Variants in NOX4 observed in about 807,000 individuals in gnomAD.
NOX4 encodes NADPH oxidase 4.
Under a neutral mutation model 87.6 loss-of-function variants are expected in NOX4, and 69 were observed. The ratio of observed to expected loss-of-function variants is 0.79; its 90% CI spans 0.65 to 0.96. The LOEUF (loss-of-function observed/expected upper bound fraction) is 0.96. Among genes scored for constraint, NOX4 ranks in the 40% least tolerant of loss-of-function variants. NOX4 has a pLI of 0.00. For synonymous variants in NOX4, 275 were observed against 238.2 expected, an observed-to-expected ratio of 1.15 and a Z score of -1.42; for missense variants, 680 against 681.5, an observed-to-expected ratio of 1.00 and a Z score of 0.02.
chr11:89,480,110 T>C (rs182287977), intron 2 of NOX4, among the ~76,000 whole-genome samples: 96 of 152,302 alleles, frequency 6.3e-4, no homozygotes, highest in African/African-American at 1.9e-3. Context: ...GCAGTTCAAA[T>C]CTTTGCTGTT....
chr11:89,569,624 A>G, the NOX4 span, among the ~76,000 whole-genome samples: 1 of 152,314 alleles, frequency 6.6e-6, no homozygotes, highest in South Asian at 2.1e-4. Flanking sequence ...GCCCCTGAGG[A>G]AAGCAGTTTG....
chr11:89,468,299 T>G (rs1214114790), intron 2 of NOX4, among the ~76,000 whole-genome samples: 1 of 152,200 alleles, frequency 6.6e-6, no homozygotes, highest in Non-Finnish European at 1.5e-5. Flanking sequence ...AAGATAAAAG[T>G]GGTATAATTT....
At chr11:89,356,476 A>G (rs1340287339) in intron 12 of NOX4, among the ~76,000 whole-genome samples, 1 of 151,558 alleles carries the variant, frequency 6.6e-6, no homozygotes, top group Non-Finnish European at 1.5e-5. Flanking sequence ...CCTTGGAAAT[A>G]CTTACGTTGC....
At chr11:89,527,060 A>G in the NOX4 span, among the ~76,000 whole-genome samples, 12 of 152,288 alleles carry the variant, frequency 7.9e-5, no homozygotes, top group Middle Eastern at 3.4e-3. Flanking sequence ...CTTTTTGGGA[A>G]TTGGAATAAA....
chr11:89,534,822 T>C, the NOX4 span, among the ~76,000 whole-genome samples: 1 of 152,254 alleles, frequency 6.6e-6, no homozygotes, highest in Non-Finnish European at 1.5e-5. Flanking sequence ...TACTGGATTC[T>C]CATTTCAGTC....
At position 89,441,574 on chromosome 11, in the gene NOX4, T is replaced by C. The variant is rs758023255; in HGVS notation, c.448-859A>G. ...TAGCTCCTCACCTGGCTTAATTCAA[T>C]TGACTTCTATTCCAACTATTAGAAA... is the stretch of plus-strand genomic sequence containing the variant. On this transcript the variant is annotated intron_variant, in intron 5 of 17. Coordinates refer to ENST00000263317, the MANE Select transcript of NOX4 (RefSeq NM_016931.5). 2.0e-5 allele frequency among the ~76,000 whole-genome samples: 3 copies of C among 152,158 alleles called. No individual in the cohort carries two copies. In the South Asian group the frequency reaches 6.2e-4, roughly 31 times the overall value.
chr11:89,411,929 T>G (rs552025598), intron 8 of NOX4, among the ~76,000 whole-genome samples: 1 of 152,164 alleles, frequency 6.6e-6, no homozygotes, highest in East Asian at 1.9e-4. Flanking sequence ...AGAAACACAC[T>G]TCACCTATGA....
At chr11:89,406,133 G>T (rs1203509653) in intron 8 of NOX4, among the ~76,000 whole-genome samples, 1 of 151,850 alleles carries the variant, frequency 6.6e-6, no homozygotes, top group Non-Finnish European at 1.5e-5. Context: ...CATTTCTTTG[G>T]TATTAGTGCA....
At chr11:89,483,222 G>A (rs2135476524) in intron 2 of NOX4, among the ~76,000 whole-genome samples, 1 of 152,210 alleles carries the variant, frequency 6.6e-6, no homozygotes, top group Non-Finnish European at 1.5e-5. Context: ...AATGGTAACA[G>A]TTGCTATTAG....
chr11:89,440,379 G>T (rs1944403680), intron 6 of NOX4, among the ~76,000 whole-genome samples: 1 of 152,006 alleles, frequency 6.6e-6, no homozygotes. Context: ...GAGTGCAGTG[G>T]CGCGATCTCA....
the NOX4 span, among the ~76,000 whole-genome samples, chr11:89,574,336 G>A: frequency 6.6e-6 from 1 of 152,134 alleles, no homozygotes; most frequent in Non-Finnish European, 1.5e-5. Context: ...ATGGACCCAG[G>A]AATCTTCCCA....
At chr11:89,504,611 T>A in the NOX4 span, among the ~76,000 whole-genome samples, 1 of 151,998 alleles carries the variant, frequency 6.6e-6, no homozygotes, top group Non-Finnish European at 1.5e-5. Context: ...AAAATTGTGA[T>A]GAATCAAAGA....
chr11:89,439,700 C>T (rs1241652687), intron 6 of NOX4, among the ~76,000 whole-genome samples: 2 of 152,044 alleles, frequency 1.3e-5, no homozygotes, highest in African/African-American at 2.4e-5. Context: ...ATTCTTTCAT[C>T]TTTATAAATC....
chr11:89,427,435 A>AGAGGG (rs1943491745), intron 7 of NOX4, among the ~76,000 whole-genome samples: 1 of 152,210 alleles, frequency 6.6e-6, no homozygotes, highest in African/African-American at 2.4e-5. Flanking sequence ...GAGCTAAAGG[A>AGAGGG]GGAAGTTCGA....
At chr11:89,488,634 T>A (rs987748974) in intron 2 of NOX4, among the ~76,000 whole-genome samples, 1 of 152,172 alleles carries the variant, frequency 6.6e-6, no homozygotes, top group African/African-American at 2.4e-5. Flanking sequence ...GTTATTGCAA[T>A]AAATTTCCAG....
intron 8 of NOX4, among the ~76,000 whole-genome samples, chr11:89,406,801 C>T (rs538343504): frequency 3.3e-4 from 50 of 151,854 alleles, no homozygotes; most frequent in African/African-American, 6.8e-4. Context: ...AAACATAGAA[C>T]CAAAAATGAT....
rs752987566 is a variant in NOX4 at position 89,421,905 on chromosome 11, G to C, written c.626C>G (p.Ser209Ter). 6.4e-7 allele frequency: 1 copy of C among 1,560,116 alleles called. No homozygotes were observed. The highest frequency in any genetic ancestry group is 1.2e-5 in the South Asian group (1 of 83,126). The change falls in exon 8 of 18, where the codon TCA (serine) becomes TGA (stop). Residue 209 changes from serine (S) to a stop codon, truncating the protein, a stop_gained. Transcript: ENST00000263317. LOFTEE classifies it high-confidence loss of function. Reference protein sequence around the residue: ...VFYMLLTLHVSGGLLKYQTNL... With the variant: ...VFYMLLTLHV ...ATACATACATTTGTAAACTTACCCTGAAACATGCAACGTCAGCAGCATGTA... is the reference window on the plus strand; with the variant it reads ...ATACATACATTTGTAAACTTACCCTCAAACATGCAACGTCAGCAGCATGTA...
intron 7 of NOX4, among the ~76,000 whole-genome samples, chr11:89,427,117 G>A (rs1464431059): frequency 1.3e-5 from 2 of 152,328 alleles, no homozygotes; most frequent in East Asian, 3.9e-4. Flanking sequence ...AACAGCATCT[G>A]GAGTGGACCT....
chr11:89,544,366 C>T, the NOX4 span, among the ~76,000 whole-genome samples: 1 of 152,140 alleles, frequency 6.6e-6, no homozygotes, highest in Non-Finnish European at 1.5e-5. Flanking sequence ...GGTACCACCA[C>T]TTTTATTTAG....
Sources: gnomAD v4.1 joint callset for allele counts (sites outside exome capture counted in the v4.1 genomes callset) on GRCh38, gnomAD v4.1.1 for gene constraint, MANE v1.5 for transcripts, NCBI Gene and HGNC (gene_info 2026-07-23, HGNC 2026-07-21) for gene names.